DLC1: variants seen among roughly 807,000 people sequenced by gnomAD.
The protein encoded by DLC1 is DLC1 Rho GTPase activating protein.
DLC1 carries 54 observed loss-of-function variants against 140.3 expected under a neutral mutation model. That is an observed-to-expected ratio of 0.38 (90% CI 0.31 to 0.48). The LOEUF (loss-of-function observed/expected upper bound fraction) is 0.48, where lower values mean the gene tolerates loss of function less well. DLC1 is among the 20% of genes least tolerant of loss of function. The pLI is 0.96. For synonymous variants in DLC1, 986 were observed against 728.1 expected, an observed-to-expected ratio of 1.35 and a Z score of -5.70; for missense variants, 2,536 against 1,907.0, an observed-to-expected ratio of 1.33 and a Z score of -6.14.
At chr8:13,505,959 C>G (rs971486237) in intron 1 of DLC1, among the ~76,000 whole-genome samples, 3 of 152,218 alleles carry the variant, frequency 2.0e-5, no homozygotes, top group African/African-American at 7.2e-5. Flanking sequence ...CTGAATCCCT[C>G]ACTCACAGTA....
At chr8:13,364,951 C>A (rs922644397) in intron 4 of DLC1, among the ~76,000 whole-genome samples, 1 of 152,318 alleles carries the variant, frequency 6.6e-6, no homozygotes, top group Middle Eastern at 3.4e-3. Context: ...GGACCCTCAT[C>A]TTTTGCCAAG....
At chr8:13,185,289 T>A (rs1035756015) in intron 5 of DLC1, among the ~76,000 whole-genome samples, 2 of 123,946 alleles carry the variant, frequency 1.6e-5, no homozygotes, top group Non-Finnish European at 3.5e-5. Flanking sequence ...TTCTGTTTTT[T>A]TTGTTTGTTT....
At chr8:13,304,834 C>T (rs533122700) in intron 5 of DLC1, 5 of 980,772 alleles carry the variant, frequency 5.1e-6, no homozygotes, top group Non-Finnish European at 6.1e-6. Context: ...CAATTATTCA[C>T]ATTGCTTCAT....
intron 4 of DLC1, among the ~76,000 whole-genome samples, chr8:13,321,946 G>T (rs938262547): frequency 6.6e-6 from 1 of 151,972 alleles, no homozygotes; most frequent in Non-Finnish European, 1.5e-5. Flanking sequence ...TTTAGTATCT[G>T]GGTAAAAATT....
chr8:13,398,693 C>G (rs983756666), intron 3 of DLC1, among the ~76,000 whole-genome samples: 1 of 151,250 alleles, frequency 6.6e-6, no homozygotes, highest in Non-Finnish European at 1.5e-5. Context: ...AGGGTGAGGA[C>G]TAGTAGGAAC....
At chr8:13,160,577 T>G (rs1824614125) in intron 5 of DLC1, among the ~76,000 whole-genome samples, 1 of 152,206 alleles carries the variant, frequency 6.6e-6, no homozygotes. Flanking sequence ...CTCTCCTTAC[T>G]TTCTTCCTCT....
intron 5 of DLC1, among the ~76,000 whole-genome samples, chr8:13,230,590 CTTTTTT>C (rs1256020871): frequency 1.4e-5 from 2 of 146,002 alleles, no homozygotes; most frequent in Non-Finnish European, 3.0e-5. Flanking sequence ...TTTCTTTTTT[CTTTTTT>C]CTTTTTTTTT....
chr8:13,556,958 TATGAC>T, intron 1 of DLC1, among the ~76,000 whole-genome samples: 1 of 152,346 alleles, frequency 6.6e-6, no homozygotes, highest in South Asian at 2.1e-4. Flanking sequence ...GTCTATCAGT[TATGAC>T]AGACAGTTAG....
At position 13,434,011 on chromosome 8, in the gene DLC1, A is replaced by G. The variant is rs1230630947; in HGVS notation, c.1024-32392T>C. On this transcript the variant is annotated intron_variant, in intron 2 of 17. Coordinates refer to ENST00000276297, the MANE Select transcript of DLC1 (RefSeq NM_182643.3). ...GCTGCGATTACAGGCCTGTGCCACC[A>G]TGCCCGGCTAATTTTGTTTTGTTTT... Among the ~76,000 whole-genome samples the G allele has an allele frequency of 1.2e-4, 18 of 152,056 alleles. 1 individual carries two copies. The highest frequency in any genetic ancestry group is 1.2e-3 in the Admixed American group (18 of 15,262).
At chr8:13,405,262 CT>C (rs1837475228) in intron 2 of DLC1, among the ~76,000 whole-genome samples, 1 of 152,018 alleles carries the variant, frequency 6.6e-6, no homozygotes. Context: ...AGCATAATAC[CT>C]AAGAGGTAGT....
rs377547700 is a variant in DLC1, at chr8:13,359,711, C to T, written c.1314+33842G>A. On this transcript the variant is annotated intron_variant, in intron 4 of 17. Coordinates refer to ENST00000276297, the MANE Select transcript of DLC1 (RefSeq NM_182643.3). ...GGAATTTTCAAAGTATACTTAATTG[C>T]TTGTTATATATAATAATGACATAAA... 2.9e-3 allele frequency among the ~76,000 whole-genome samples: 441 copies of T among 152,164 alleles called. 2 individuals carry two copies. The highest frequency in any genetic ancestry group is 0.01 in the African/African-American group (420 of 41,516).
chr8:13,108,866 T>G (rs748241084), intron 7 of DLC1, among the ~76,000 whole-genome samples: 2 of 152,204 alleles, frequency 1.3e-5, no homozygotes, highest in Non-Finnish European at 2.9e-5. Flanking sequence ...TGCAGACTCC[T>G]TCCCCTCCCG....
intron 2 of DLC1, among the ~76,000 whole-genome samples, chr8:13,425,933 C>G (rs997292738): frequency 6.6e-6 from 1 of 152,108 alleles, no homozygotes; most frequent in Non-Finnish European, 1.5e-5. Context: ...AGGCCTCAGC[C>G]TCCTGAGTAG....
chr8:13,277,730 A>T (rs561642115), intron 5 of DLC1, among the ~76,000 whole-genome samples: 126 of 152,270 alleles, frequency 8.3e-4, no homozygotes, highest in African/African-American at 2.8e-3. Flanking sequence ...CTTATAATGC[A>T]CAAGGTTTGG....
chr8:13,236,715 G>C (rs1053675716), intron 5 of DLC1, among the ~76,000 whole-genome samples: 11 of 152,110 alleles, frequency 7.2e-5, no homozygotes, highest in African/African-American at 2.7e-4. Context: ...GGGATAAATT[G>C]TGTGATACGT....
chr8:13,426,455 T>A (rs1052178264), intron 2 of DLC1, among the ~76,000 whole-genome samples: 1 of 152,216 alleles, frequency 6.6e-6, no homozygotes, highest in Non-Finnish European at 1.5e-5. Context: ...GTTACCTCTG[T>A]ATTTTAATAA....
chr8:13,298,150 CA>C (rs1328704168), intron 5 of DLC1, among the ~76,000 whole-genome samples: 1 of 152,166 alleles, frequency 6.6e-6, no homozygotes, highest in Non-Finnish European at 1.5e-5. Context: ...ACAAGAATTT[CA>C]GGCTATAATT....
intron 4 of DLC1, among the ~76,000 whole-genome samples, chr8:13,344,292 G>C (rs1423834472): frequency 6.6e-6 from 1 of 152,116 alleles, no homozygotes; most frequent in East Asian, 1.9e-4. Flanking sequence ...TCAGGAGTTT[G>C]AGACCAGCCT....
At chr8:13,577,876 T>C (rs1342549270) in intron 1 of DLC1, among the ~76,000 whole-genome samples, 2 of 152,136 alleles carry the variant, frequency 1.3e-5, no homozygotes, top group African/African-American at 2.4e-5. Flanking sequence ...CCCATGACAA[T>C]TGTTGCTTTA....
Sources: gnomAD v4.1 joint callset for allele counts (sites outside exome capture counted in the v4.1 genomes callset) on GRCh38, gnomAD v4.1.1 for gene constraint, MANE v1.5 for transcripts, NCBI Gene and HGNC (gene_info 2026-07-23, HGNC 2026-07-21) for gene names.